Variants in MGAT4C observed in about 807,000 individuals in gnomAD.
The protein encoded by MGAT4C is MGAT4 family member C, also known as alpha-1,3-mannosyl-glycoprotein 4-beta-N-acetylglucosaminyltransferase C.
MGAT4C carries 19 observed loss-of-function variants against 40.1 expected under a neutral mutation model. The ratio of observed to expected loss-of-function variants is 0.47; its 90% CI spans 0.33 to 0.70. MGAT4C has a LOEUF of 0.70. Ranked by LOEUF, MGAT4C falls within the 30% of genes least tolerant of loss-of-function variation. The pLI is 0.02. For synonymous variants in MGAT4C, 181 were observed against 187.1 expected (o/e 0.97, Z 0.27); for missense variants, 491 against 563.2 (o/e 0.87, Z 1.30).
chr12:86,061,684 G>A (rs993571631), intron 1 of MGAT4C, among the ~76,000 whole-genome samples: 1 of 152,096 alleles, frequency 6.6e-6, no homozygotes, highest in South Asian at 2.1e-4. Context: ...CGAGCTTGGT[G>A]AGGGAAGGGG....
At chr12:86,404,785 G>A (rs1299475898) in intron 3 of MGAT4C, among the ~76,000 whole-genome samples, 3 of 152,100 alleles carry the variant, frequency 2.0e-5, no homozygotes, top group African/African-American at 7.2e-5. Flanking sequence ...TATAAAAGAT[G>A]ATTGATCATC....
At chr12:86,266,873 T>C (rs899941893) in intron 4 of MGAT4C, among the ~76,000 whole-genome samples, 1 of 152,146 alleles carries the variant, frequency 6.6e-6, no homozygotes, top group Non-Finnish European at 1.5e-5. Flanking sequence ...CTTAGGAAGA[T>C]GCATGTTTCC....
At chr12:86,158,103 T>A (rs1885175937) in intron 1 of MGAT4C, among the ~76,000 whole-genome samples, 2 of 152,178 alleles carry the variant, frequency 1.3e-5, no homozygotes, top group African/African-American at 4.8e-5. Context: ...AGATGTTGGA[T>A]CATTACTTTA....
At chr12:86,397,782 A>T (rs1956286847) in intron 3 of MGAT4C, among the ~76,000 whole-genome samples, 1 of 152,130 alleles carries the variant, frequency 6.6e-6, no homozygotes, top group African/African-American at 2.4e-5. Flanking sequence ...GCAAAATAAG[A>T]GAAAGCCATC....
chr12:86,088,573 A>G (rs1872329848), intron 1 of MGAT4C, among the ~76,000 whole-genome samples: 3 of 152,130 alleles, frequency 2.0e-5, no homozygotes, highest in African/African-American at 7.2e-5. Flanking sequence ...AAAGGACACA[A>G]ACAGACACTT....
chr12:86,835,220 T>C (rs566635579), intron 1 of MGAT4C, among the ~76,000 whole-genome samples: 4 of 152,034 alleles, frequency 2.6e-5, no homozygotes, highest in Non-Finnish European at 5.9e-5. Context: ...AGATGTAGAA[T>C]TTTTCAGTAG....
At chr12:86,630,996 T>G (rs1230394778) in intron 2 of MGAT4C, among the ~76,000 whole-genome samples, 3 of 152,176 alleles carry the variant, frequency 2.0e-5, no homozygotes, top group Non-Finnish European at 4.4e-5. Context: ...ATGGTATATT[T>G]AGAAAACCCC....
Position 86,387,772 on chromosome 12 carries a change from A to T in MGAT4C, c.-120+47385T>A, listed in dbSNP as rs1365903706. Among the ~76,000 whole-genome samples the T allele has an allele frequency of 2.6e-5, 4 of 152,156 alleles. No individual in the cohort carries two copies. In the East Asian group the frequency reaches 7.7e-4, roughly 29 times the overall value. On this transcript the variant is annotated intron_variant, in intron 3 of 7. Transcript: ENST00000548651. ...GAGCAGCAGAAGGGGAAAAAAGTAG[A>T]TCATCCATTACATTGAGCAGTTAAT...
intron 3 of MGAT4C, among the ~76,000 whole-genome samples, chr12:86,402,285 C>A (rs1485544486): frequency 1.3e-5 from 2 of 151,882 alleles, no homozygotes; most frequent in Non-Finnish European, 2.9e-5. Context: ...ACTAGCAAGG[C>A]GTGGTGGCAT....
intron 2 of MGAT4C, among the ~76,000 whole-genome samples, chr12:86,046,353 T>C (rs1195926598): frequency 6.6e-6 from 1 of 152,198 alleles, no homozygotes; most frequent in African/African-American, 2.4e-5. Flanking sequence ...AGAGTCATTT[T>C]ATACTTCAAC....
In MGAT4C at chr12:86,285,878, C is replaced by T. The variant is rs150927203; in HGVS notation, c.-57+48187G>A. ...TATTTCAATCATGTATTCACATATT[C>T]TTTAATGACATAAAAATGCTTACAA... On this transcript the variant is annotated intron_variant, in intron 4 of 7. Coordinates refer to the MGAT4C transcript ENST00000548651. Among the ~76,000 whole-genome samples the T allele has an allele frequency of 2.5e-3, 377 of 151,910 alleles. 1 individual carries two copies. Among genetic ancestry groups the T allele is most frequent in the African/African-American group, 8.3e-3 (343 of 41,456 alleles).
intron 4 of MGAT4C, among the ~76,000 whole-genome samples, chr12:86,271,969 C>T (rs1952962600): frequency 1.3e-5 from 2 of 151,844 alleles, no homozygotes; most frequent in African/African-American, 4.8e-5. Context: ...TAGAGATAGA[C>T]AATGAAACTA....
intron 2 of MGAT4C, among the ~76,000 whole-genome samples, chr12:86,572,898 A>G (rs1442394019): frequency 1.3e-5 from 2 of 151,940 alleles, no homozygotes; most frequent in Non-Finnish European, 2.9e-5. Context: ...TCCTAAGAAT[A>G]GCGGACACCT....
intron 1 of MGAT4C, among the ~76,000 whole-genome samples, chr12:86,737,312 C>T (rs1486979214): frequency 6.7e-6 from 1 of 149,524 alleles, no homozygotes; most frequent in Non-Finnish European, 1.5e-5. Context: ...AAGCAATTGG[C>T]ACCATTGATG....
chr12:86,453,966 G>A (rs1957467877), intron 2 of MGAT4C, among the ~76,000 whole-genome samples: 1 of 151,848 alleles, frequency 6.6e-6, no homozygotes, highest in South Asian at 2.1e-4. Flanking sequence ...TATTTCTCAA[G>A]TTACCACGAG....
intron 4 of MGAT4C, among the ~76,000 whole-genome samples, chr12:86,288,179 C>T (rs1337873218): frequency 6.6e-6 from 1 of 152,068 alleles, no homozygotes; most frequent in African/African-American, 2.4e-5. Flanking sequence ...TATCCTTTGC[C>T]CACTTTTTAA....
intron 2 of MGAT4C, among the ~76,000 whole-genome samples, chr12:86,633,044 C>T (rs143914088): frequency 0.015 from 2,224 of 151,500 alleles, 33 homozygotes; most frequent in Non-Finnish European, 0.022. Flanking sequence ...TACATATATA[C>T]CAAATATATA....
intron 3 of MGAT4C, among the ~76,000 whole-genome samples, chr12:86,419,973 T>C (rs1956789399): frequency 6.6e-6 from 1 of 151,342 alleles, no homozygotes; most frequent in South Asian, 2.1e-4. Context: ...AATATGACTG[T>C]CTTTCCCATA....
At chr12:86,178,930 C>T (rs1181295159) in intron 1 of MGAT4C, among the ~76,000 whole-genome samples, 2 of 152,114 alleles carry the variant, frequency 1.3e-5, no homozygotes, top group Non-Finnish European at 2.9e-5. Flanking sequence ...TTCTGATTTT[C>T]TCCTGAATCT....
Sources: gnomAD v4.1 joint callset for allele counts (sites outside exome capture counted in the v4.1 genomes callset) on GRCh38, gnomAD v4.1.1 for gene constraint, MANE v1.5 for transcripts, NCBI Gene and HGNC (gene_info 2026-07-23, HGNC 2026-07-21) for gene names.